GRAMD4: variants seen among roughly 807,000 people sequenced by gnomAD.
The protein encoded by GRAMD4 is GRAM domain-containing protein 4.
In GRAMD4, 25 loss-of-function variants were observed where a neutral mutation model predicts 83.9. The ratio of observed to expected loss-of-function variants is 0.30; its 90% confidence interval spans 0.22 to 0.42. The LOEUF is 0.42. Ranked by LOEUF, GRAMD4 falls within the 10% of genes least tolerant of loss-of-function variation. The probability of loss-of-function intolerance (pLI) is 1.00; values close to 1 mark genes in which losing one functional copy is unlikely to be tolerated. For missense variants in GRAMD4, 593 were observed against 788.7 expected (o/e 0.75, Z 2.97); for synonymous variants, 336 against 320.9 (o/e 1.05, Z -0.50).
chr22:46,669,005 C>T (rs1048578890), intron 13 of GRAMD4, 97 bp downstream of exon 13: 1 of 709,158 alleles, frequency 1.4e-6, no homozygotes, highest in African/African-American at 1.7e-5. Context: ...AGCTGTTAAA[C>T]TCACCTGGCG....
At chr22:46,676,367 AG>A (rs995322638) in intron 17 of GRAMD4, among the ~76,000 whole-genome samples, 1 of 152,178 alleles carries the variant, frequency 6.6e-6, no homozygotes, top group African/African-American at 2.4e-5. Context: ...TCCTCAGGCC[AG>A]CTGGCCGACG....
intron 4 of GRAMD4, among the ~76,000 whole-genome samples, 162 bp from the exon 5 acceptor site, chr22:46,661,219 C>T (rs554011828): frequency 7.9e-5 from 12 of 152,330 alleles, no homozygotes; most frequent in Non-Finnish European, 1.2e-4. Context: ...TGCCTGGATA[C>T]GCTCGGAACC....
At chr22:46,616,824 GTGTA>G (rs2081505473), upstream of GRAMD4, among the ~76,000 whole-genome samples, 3 of 116,258 alleles carry the variant, frequency 2.6e-5, no homozygotes, top group Admixed American at 8.0e-5. Flanking sequence ...GTTCCCCTGT[GTGTA>G]CGTTCCCCTG....
At chr22:46,593,690 G>A (rs749184393) in intron 1 of GRAMD4, among the ~76,000 whole-genome samples, 8 of 152,100 alleles carry the variant, frequency 5.3e-5, no homozygotes, top group African/African-American at 1.4e-4. Flanking sequence ...GCTGTTGGGC[G>A]TCTGTGCATA....
At chr22:46,615,044 C>G (rs1462492012) in intron 1 of GRAMD4, among the ~76,000 whole-genome samples, 1 of 58,726 alleles carries the variant, frequency 1.7e-5, no homozygotes, top group Non-Finnish European at 3.8e-5. Context: ...TGTAGGTTCC[C>G]CTGTGCGTGT....
rs73469140 is a variant in GRAMD4 at position 46,636,151 on chromosome 22, G to A, written c.163-1689G>A. On this transcript the variant is annotated intron_variant, in intron 2 of 18. Transcript: ENST00000406902. The stretch of plus-strand genomic sequence containing the variant: ...GGAGCCCCAGACCCATGTCTCCAGC[G>A]TAAGCTGGAGCACAGGTGGGGTTGT... Among the ~76,000 whole-genome samples, 1,469 of 152,302 alleles carry A rather than the reference G, an allele frequency of 9.6e-3. 24 individuals are homozygous for A. Among genetic ancestry groups the A allele is most frequent in the African/African-American group, 0.033 (1,385 of 41,568 alleles).
upstream of GRAMD4, among the ~76,000 whole-genome samples, chr22:46,618,310 G>A (rs1055259037): frequency 6.6e-6 from 1 of 152,146 alleles, no homozygotes; most frequent in East Asian, 1.9e-4. The surrounding 1 kb of genome is among the most constrained non-coding windows in gnomAD (Gnocchi z 5.8). Context: ...AAGCAGGACT[G>A]GAGGCACAAG....
intron 2 of GRAMD4, among the ~76,000 whole-genome samples, chr22:46,627,230 A>ACGCACATGTGACGCGGAAGCCT (rs2081678736): frequency 2.0e-5 from 3 of 152,122 alleles, no homozygotes; most frequent in African/African-American, 7.2e-5. Context: ...CAGACTTCTC[A>ACGCACATGTGACGCGGAAGCCT]CGCACATGTG....
At chr22:46,616,724 A>G (rs1476738113), upstream of GRAMD4, among the ~76,000 whole-genome samples, 1 of 111,564 alleles carries the variant, frequency 9.0e-6, no homozygotes, top group Non-Finnish European at 1.8e-5. Flanking sequence ...CCGTGCGTGT[A>G]GGTTCCCCCG....
intron 1 of GRAMD4, among the ~76,000 whole-genome samples, chr22:46,599,792 C>T (rs1006712278): frequency 6.6e-6 from 1 of 152,220 alleles, no homozygotes; most frequent in Non-Finnish European, 1.5e-5. Context: ...GATGGCCCCA[C>T]ATGCCTACGA....
intron 2 of GRAMD4, among the ~76,000 whole-genome samples, chr22:46,629,026 C>T (rs575722782): frequency 1.3e-5 from 2 of 152,110 alleles, no homozygotes; most frequent in African/African-American, 4.8e-5. Context: ...GGGGCAAATG[C>T]TGCAGAGGCC....
At chr22:46,658,353 A>G (rs1026250955) in intron 4 of GRAMD4, 46 bp downstream of exon 4, 3 of 1,496,998 alleles carry the variant, frequency 2.0e-6, no homozygotes, top group South Asian at 1.2e-5. Flanking sequence ...GGCTGCCCCA[A>G]CCCCCCACCC....
chr22:46,591,832 CAAA>C (rs34868206), intron 1 of GRAMD4, among the ~76,000 whole-genome samples: 6 of 37,432 alleles, frequency 1.6e-4, no homozygotes, highest in African/African-American at 9.1e-4. Context: ...GACTCTGTCT[CAAA>C]AAAAAAAAAA....
At chr22:46,580,119 T>C (rs1602283216) in intron 1 of GRAMD4, among the ~76,000 whole-genome samples, 1 of 152,320 alleles carries the variant, frequency 6.6e-6, no homozygotes, top group East Asian at 1.9e-4. Context: ...TTGGGGTGTG[T>C]GGCAGAGCAT....
intron 13 of GRAMD4, among the ~76,000 whole-genome samples, chr22:46,669,421 G>A (rs902571206): frequency 6.6e-6 from 1 of 150,474 alleles, no homozygotes; most frequent in Non-Finnish European, 1.5e-5. Flanking sequence ...GGGCTGTGCC[G>A]GGAGGTGGGT....
In GRAMD4 at chr22:46,658,445, TGG is replaced by T. The variant is rs1191103818; in HGVS notation, c.404+140_404+141del. The T allele has an allele frequency of 9.7e-6, 8 of 827,798 alleles. No individual in the cohort carries two copies. The African/African-American group carries it at 1.5e-4, about 16-fold the overall frequency. The allele number at this position is 827,798 out of a possible 1,614,324, so 51.3% of individuals were successfully genotyped here. A position where few individuals can be genotyped will look rare whatever the true frequency, so the allele number is the denominator to read the frequency against. On this transcript the variant is annotated intron_variant, in intron 4 of 18. Transcript: ENST00000406902. The stretch of plus-strand genomic sequence containing the variant: ...CCCTGGAGAGGCCTGAGTGTGAGGG[TGG>T]GCCCGGCTCTGACTGCCCAGGTATA...
Position 46,622,518 on chromosome 22 carries a change from GT to G in GRAMD4, c.-50+1955del, listed in dbSNP as rs113486580. ...CCGGGGGCTTGGGGAGGGCATGGGA[GT>G]TCCTATTCAGTGAGCAGAGTTTCAG... On this transcript the variant is annotated intron_variant, in intron 1 of 18. Coordinates refer to ENST00000406902, the MANE Select transcript of GRAMD4 (RefSeq NM_015124.5). This position sits in a 1 kb window ranked among gnomAD's most constrained non-coding sequence, Gnocchi z 4.0. Among the ~76,000 whole-genome samples, 1,203 of 152,322 alleles carry G rather than the reference GT, an allele frequency of 7.9e-3. 16 individuals carry two copies. The highest frequency in any genetic ancestry group is 0.028 in the African/African-American group (1,161 of 41,566).
At chr22:46,631,350 C>A (rs1214005129) in intron 2 of GRAMD4, among the ~76,000 whole-genome samples, 1 of 152,240 alleles carries the variant, frequency 6.6e-6, no homozygotes, top group African/African-American at 2.4e-5. Context: ...CCCTGCCACA[C>A]CCCGGCAGCC....
At position 46,668,826 on chromosome 22, in the gene GRAMD4, C is replaced by T; in HGVS notation, c.1002C>T (p.Ile334=). Residue 334 remains isoleucine, a synonymous_variant, in exon 13 of 19, where the codon ATC becomes ATT. Transcript: ENST00000406902. ...TGTTCATGTGGGTCCAGCCGGAGAT[C>T]ACACAGAAGCTGTATGTGGCGCTCT... ...KNLFMWVQPE[I]TQKLYVALWA... 1 of 1,610,840 alleles carries T rather than the reference C, an allele frequency of 6.2e-7. No individual in the cohort carries two copies. The highest frequency in any genetic ancestry group is 8.5e-7 in the Non-Finnish European group (1 of 1,178,552).
Sources: allele counts gnomAD v4.1 joint callset (sites outside exome capture counted in the v4.1 genomes callset), GRCh38; gene constraint gnomAD v4.1.1; non-coding constraint Gnocchi (gnomAD v3.1); transcripts MANE v1.5; gene names NCBI Gene and HGNC (gene_info 2026-07-23, HGNC 2026-07-21).